UVSSA: variants seen among roughly 807,000 people sequenced by gnomAD.
UVSSA encodes the protein UV stimulated scaffold protein A.
In UVSSA, 72 loss-of-function variants were observed where a neutral mutation model predicts 73.9. That is an observed-to-expected ratio of 0.97 (90% confidence interval 0.81 to 1.19). The LOEUF (loss-of-function observed/expected upper bound fraction) is 1.19. UVSSA is among the 50% of genes most tolerant of loss of function. The probability of loss-of-function intolerance (pLI) is 0.00; values close to 1 mark genes in which losing one functional copy is unlikely to be tolerated. For missense variants in UVSSA, 1,150 were observed against 965.0 expected, an observed-to-expected ratio of 1.19 and a Z score of -2.54; for synonymous variants, 454 against 391.3, an observed-to-expected ratio of 1.16 and a Z score of -1.89.
rs1377679423 is a variant in UVSSA, at chr4:1,386,102, C to A, written c.*141C>A. 2 of 902,510 alleles carry A rather than the reference C, an allele frequency of 2.2e-6. No homozygotes were observed. Among genetic ancestry groups the A allele is most frequent in the Non-Finnish European group, 1.7e-6 (1 of 579,198 alleles). The allele number at this position is 902,510 out of a possible 1,614,324, so 55.9% of individuals were successfully genotyped here. On this transcript the variant is annotated 3_prime_UTR_variant, in exon 14 of 14. Coordinates refer to ENST00000389851, the MANE Select transcript of UVSSA (RefSeq NM_020894.4). ...TGTAAAGAAATGGTGTGTTGCAATG[C>A]CCTGAAGGTACGGCCGCTCTGCTGC... is the stretch of plus-strand genomic sequence containing the variant.
chr4:1,366,280 G>A (rs966208330), intron 7 of UVSSA, 40 bp from the exon 8 acceptor site: 17 of 1,515,574 alleles, frequency 1.1e-5, no homozygotes, highest in Non-Finnish European at 1.5e-5. Context: ...TTCATACACA[G>A]GGTCTGGGGG....
intron 11 of UVSSA, 111 bp downstream of exon 11, chr4:1,380,341 C>T: frequency 7.5e-7 from 1 of 1,335,536 alleles, no homozygotes; most frequent in Non-Finnish European, 1.0e-6. Context: ...CTTGTGAGCA[C>T]TGAGAAGCCC....
At position 1,375,470 on chromosome 4, in the gene UVSSA, G is replaced by T. The variant is rs1342737189; in HGVS notation, c.1395G>T (p.Arg465=). ...SDPTSAAAQL[R]QLRDHLPPPS... is the part of the protein sequence containing the mutation. ...CCACCTCTGCGGCTGCTCAGCTGCG[G>T]CAGCTCCGGGACCACTTGCCTCCAC... Residue 465 remains arginine (R), a synonymous_variant, in exon 9 of 14, where the codon CGG becomes CGT. Transcript: ENST00000389851. 1 of 1,612,304 alleles carries T rather than the reference G, an allele frequency of 6.2e-7. No individual in the cohort carries two copies. Among genetic ancestry groups the T allele is most frequent in the Non-Finnish European group, 8.5e-7 (1 of 1,179,964 alleles).
At chr4:1,344,652 C>G (rs1224036932), upstream of UVSSA, among the ~76,000 whole-genome samples, 1 of 152,178 alleles carries the variant, frequency 6.6e-6, no homozygotes, top group Non-Finnish European at 1.5e-5. Context: ...TGCTTTTTGT[C>G]TGGCTTCATG....
exon 14 of UVSSA, chr4:1,394,624 G>A (rs777329530): frequency 4.1e-6 from 6 of 1,450,568 alleles, no homozygotes; most frequent in East Asian, 2.4e-5. Flanking sequence ...GCTCACACAT[G>A]TCGATGCGGA....
chr4:1,387,955 A>G lies in UVSSA; in HGVS notation c.*1994A>G, dbSNP rs1720266809. On this transcript the variant is annotated 3_prime_UTR_variant, in exon 14 of 14. Transcript: ENST00000389851. ...CTCATCAGTTTCTTCAAAAAAAAAA[A>G]AAAAGCAGCTGAGATTTTTGATAGG... is the stretch of plus-strand genomic sequence containing the variant. The G allele has an allele frequency of 6.6e-6, 1 of 152,166 alleles. No individual in the cohort carries two copies. Among genetic ancestry groups the G allele is most frequent in the Admixed American group, 6.5e-5 (1 of 15,280 alleles). 9.4% of individuals were successfully genotyped at this position (152,166 alleles called of 1,614,324 possible). A position where few individuals can be genotyped will look rare whatever the true frequency, so the allele number is the denominator to read the frequency against.
chr4:1,370,278 T>C (rs1266451900), intron 8 of UVSSA, among the ~76,000 whole-genome samples: 26 of 152,350 alleles, frequency 1.7e-4, no homozygotes, highest in Admixed American at 1.6e-3. Flanking sequence ...TGTGTGTGCA[T>C]GCGTGTGCTG....
At chr4:1,352,822 G>T (rs976536322) in intron 4 of UVSSA, among the ~76,000 whole-genome samples, 1 of 152,250 alleles carries the variant, frequency 6.6e-6, no homozygotes, top group Admixed American at 6.5e-5. Context: ...TCACGTGTCT[G>T]TAGTCCCAGC....
chr4:1,357,721 T>C (rs57017296), intron 7 of UVSSA, among the ~76,000 whole-genome samples: 70,987 of 152,040 alleles, frequency 0.47, 20,882 homozygotes, highest in African/African-American at 0.82. Context: ...TCAGCCTGGC[T>C]CCTGCCGTGT....
In UVSSA at chr4:1,366,409, C is replaced by T. The variant is rs151254049; in HGVS notation, c.1266C>T (p.Pro422=). Reference sequence around the variant, plus strand: ...AGGAGGGGTATGAGCCACACATCCCCGACCACTTGCGGCCTGAGTATGGTG... The same window carrying T: ...AGGAGGGGTATGAGCCACACATCCCTGACCACTTGCGGCCTGAGTATGGTG... ...PEKEGYEPHI[P]DHLRPEYGLE... The change falls in exon 8 of 14, where the codon CCC becomes CCT. Residue 422 remains proline (P), a synonymous_variant. Transcript: ENST00000389851. 2.4e-4 allele frequency: 381 copies of T among 1,612,346 alleles called. No homozygotes were observed. The African/African-American group carries it at 3.8e-3, about 16-fold the overall frequency.
chr4:1,369,977 T>C (rs1010578676), intron 8 of UVSSA, among the ~76,000 whole-genome samples: 1 of 152,244 alleles, frequency 6.6e-6, no homozygotes, highest in African/African-American at 2.4e-5. Flanking sequence ...CCTCAGTGCC[T>C]GAGGAATGCT....
Position 1,387,012 on chromosome 4 carries a change from C to G in UVSSA, c.*1051C>G, listed in dbSNP as rs1322636805. The G allele has an allele frequency of 1.3e-5, 2 of 151,642 alleles. No individual in the cohort carries two copies. The highest frequency in any genetic ancestry group is 2.4e-5 in the African/African-American group (1 of 41,168). The allele number at this position is 151,642 out of a possible 1,614,324, so 9.4% of individuals were successfully genotyped here. On this transcript the variant is annotated 3_prime_UTR_variant, in exon 14 of 14. Transcript: ENST00000389851. The stretch of plus-strand genomic sequence containing the variant: ...GGGATTACAGGCATGAGCCACCACT[C>G]CTGGCCAGGAGTTTATATGTATACT...
intron 7 of UVSSA, among the ~76,000 whole-genome samples, chr4:1,362,846 G>T: frequency 6.6e-6 from 1 of 152,204 alleles, no homozygotes; most frequent in Non-Finnish European, 1.5e-5. Flanking sequence ...TCTGTCCCTG[G>T]TGACCACGCC....
chr4:1,383,460 C>T lies in UVSSA; in HGVS notation c.1862-306C>T, dbSNP rs536011989. ...GGCCCATGGGTGCCCTAGGAGTGGCCTCTGGGCTGAGCCCCTGCTCCCCAT... is the reference window on the plus strand; with the variant it reads ...GGCCCATGGGTGCCCTAGGAGTGGCTTCTGGGCTGAGCCCCTGCTCCCCAT... On this transcript the variant is annotated intron_variant, in intron 12 of 13. Coordinates refer to ENST00000389851, the MANE Select transcript of UVSSA (RefSeq NM_020894.4). 1.2e-4 allele frequency among the ~76,000 whole-genome samples: 18 copies of T among 152,324 alleles called. 1 individual carries two copies. The South Asian group carries it at 3.5e-3, about 30-fold the overall frequency.
intron 8 of UVSSA, among the ~76,000 whole-genome samples, chr4:1,371,816 C>T (rs751215451): frequency 1.5e-4 from 23 of 152,198 alleles, no homozygotes; most frequent in Non-Finnish European, 2.6e-4. Flanking sequence ...AGTGGGGACA[C>T]AGAGCCAGAC....
rs1715553601 is a variant in UVSSA, at chr4:1,355,323, CT to C, written c.1176+79del. On this transcript the variant is annotated intron_variant, in intron 7 of 13. Coordinates refer to ENST00000389851, the MANE Select transcript of UVSSA (RefSeq NM_020894.4). ...GGAGAAGCTGTGGGGGGGTTGTGCCCTGGGCCTGTGGGCCCGGCGGACCCCA... is the reference window on the plus strand; with the variant it reads ...GGAGAAGCTGTGGGGGGGTTGTGCCCGGGCCTGTGGGCCCGGCGGACCCCA... 16 of 1,436,928 alleles carry C rather than the reference CT, an allele frequency of 1.1e-5. No homozygotes were observed. In the South Asian group the frequency reaches 1.9e-4, roughly 17 times the overall value. The allele number at this position is 1,436,928 out of a possible 1,614,324, so 89.0% of individuals were successfully genotyped here. A position where few individuals can be genotyped will look rare whatever the true frequency, so the allele number is the denominator to read the frequency against.
chr4:1,352,801 T>G (rs1474595632), intron 4 of UVSSA, among the ~76,000 whole-genome samples: 1 of 152,188 alleles, frequency 6.6e-6, no homozygotes, highest in Non-Finnish European at 1.5e-5. Flanking sequence ...AAAAGTTAGT[T>G]GAGCATGGCA....
intron 10 of UVSSA, among the ~76,000 whole-genome samples, chr4:1,376,919 C>T (rs1406466056): frequency 6.6e-6 from 1 of 152,172 alleles, no homozygotes; most frequent in Non-Finnish European, 1.5e-5. Context: ...CCTTAGAGGG[C>T]AGAGGTGGGT....
chr4:1,362,793 C>T (rs1043105592), intron 7 of UVSSA, among the ~76,000 whole-genome samples: 9 of 152,174 alleles, frequency 5.9e-5, no homozygotes, highest in African/African-American at 2.2e-4. Context: ...TGCGGGGCCT[C>T]ACCCTCCCTT....
Sources: gnomAD v4.1 joint callset for allele counts (sites outside exome capture counted in the v4.1 genomes callset) on GRCh38, gnomAD v4.1.1 for gene constraint, MANE v1.5 for transcripts, NCBI Gene and HGNC (gene_info 2026-07-23, HGNC 2026-07-21) for gene names.